CCDC77: variants seen among roughly 807,000 people sequenced by gnomAD.
The protein encoded by CCDC77 is coiled-coil domain containing 77.
In CCDC77, 56 loss-of-function variants were observed where a neutral mutation model predicts 66.8. That is an observed-to-expected ratio of 0.84 (90% CI 0.68 to 1.05). The LOEUF is 1.05. Among genes scored for constraint, CCDC77 ranks in the 50% least tolerant of loss-of-function variants. CCDC77 has a pLI of 0.00. For missense variants in CCDC77, 570 were observed against 576.8 expected (o/e 0.99, Z 0.12); for synonymous variants, 196 against 195.2 (o/e 1.00, Z -0.03).
At chr12:431,984 G>A in intron 8 of CCDC77, 30 bp downstream of exon 8, 4 of 1,408,168 alleles carry the variant, frequency 2.8e-6, no homozygotes, top group Non-Finnish European at 3.0e-6. Context: ...AGACCAAGAT[G>A]GCTTTTATCC....
At position 411,792 on chromosome 12, in the gene CCDC77, C is replaced by G; in HGVS notation, c.84C>G (p.Thr28=). ...SKRGVAVSGP[T]KRRGMADSLE... ...GTGGTGTTGCCGTCAGTGGTCCCAC[C>G]AAGAGGAGGGGAATGGCAGATTCAC... is the stretch of plus-strand genomic sequence containing the variant. The change falls in exon 4 of 13, where the codon ACC becomes ACG. Residue 28 remains threonine, a synonymous_variant. Transcript: ENST00000239830. 1 of 1,614,110 alleles carries G rather than the reference C, an allele frequency of 6.2e-7. No homozygotes were observed. Among genetic ancestry groups the G allele is most frequent in the South Asian group, 1.1e-5 (1 of 91,074 alleles).
At chr12:410,107 C>T (rs543701270) in intron 3 of CCDC77, among the ~76,000 whole-genome samples, 2 of 151,996 alleles carry the variant, frequency 1.3e-5, no homozygotes, top group Non-Finnish European at 2.9e-5. Flanking sequence ...ATTTTAATAT[C>T]TCTGCATGCT....
intron 2 of CCDC77, among the ~76,000 whole-genome samples, chr12:406,741 G>A (rs1317396661): frequency 6.6e-6 from 1 of 152,194 alleles, no homozygotes; most frequent in Non-Finnish European, 1.5e-5. Context: ...GAGGTCAGGA[G>A]TTCAAGACCA....
intron 11 of CCDC77, 28 bp downstream of exon 11, chr12:440,770 G>T: frequency 6.2e-7 from 1 of 1,613,644 alleles, no homozygotes; most frequent in Non-Finnish European, 8.5e-7. Context: ...ACTTGTAATG[G>T]AATAGGAAGT....
At position 411,952 on chromosome 12, in the gene CCDC77, C is replaced by A; in HGVS notation, c.244C>A (p.Leu82Ile). 1 of 1,613,832 alleles carries A rather than the reference C, an allele frequency of 6.2e-7. No individual in the cohort carries two copies. Among genetic ancestry groups the A allele is most frequent in the South Asian group, 1.1e-5 (1 of 91,076 alleles). ...TGAGGACTTGCTGAAGAAACTGGAA[C>A]TCTACAAAGAAGCTTGTGAAGGACA... ...ENEDLLKKLE[L>I]YKEACEGQHK... Residue 82 changes from leucine to isoleucine, a missense_variant, in exon 4 of 13, where the codon CTC becomes ATC. Leu to Ile is a conservative substitution (Grantham distance 5). Coordinates refer to ENST00000239830, the MANE Select transcript of CCDC77 (RefSeq NM_032358.4).
chr12:403,973 G>T (rs944491784), intron 1 of CCDC77, among the ~76,000 whole-genome samples: 3 of 152,192 alleles, frequency 2.0e-5, no homozygotes, highest in Non-Finnish European at 4.4e-5. Flanking sequence ...ACAGGGTCTT[G>T]CCATGGCCTG....
rs1218175771 is a variant in CCDC77 at position 428,158 on chromosome 12, G to A, written c.414-611G>A. On this transcript the variant is annotated intron_variant, in intron 5 of 12. Transcript: ENST00000239830. ...GGCAGTTGGCAGAATGAGCCCATCAGCCCCGAAGAGCAAGATCTGAGCAGT... is the reference window on the plus strand; with the variant it reads ...GGCAGTTGGCAGAATGAGCCCATCAACCCCGAAGAGCAAGATCTGAGCAGT... 2.6e-5 allele frequency among the ~76,000 whole-genome samples: 4 copies of A among 152,210 alleles called. No homozygotes were observed. In the East Asian group the frequency reaches 5.8e-4, roughly 22 times the overall value.
At chr12:438,308 T>G (rs752411263) in intron 9 of CCDC77, 27 bp from the exon 10 acceptor site, 1 of 1,503,842 alleles carries the variant, frequency 6.6e-7, no homozygotes, top group Admixed American at 1.7e-5. Flanking sequence ...CGCATCCTCA[T>G]GTCTGCATTT....
At chr12:418,685 T>G in intron 5 of CCDC77, 49 bp downstream of exon 5, 2 of 1,384,102 alleles carry the variant, frequency 1.4e-6, no homozygotes, top group Non-Finnish European at 1.0e-6. Flanking sequence ...TAAATTACAT[T>G]CATTCATTCA....
At chr12:427,320 A>G (rs1317960500) in intron 5 of CCDC77, among the ~76,000 whole-genome samples, 2 of 151,508 alleles carry the variant, frequency 1.3e-5, no homozygotes, top group East Asian at 1.9e-4. Context: ...TGCAGCCCTC[A>G]GCCTCTTTTC....
chr12:422,752 A>G (rs528096693), intron 5 of CCDC77, among the ~76,000 whole-genome samples: 1 of 152,306 alleles, frequency 6.6e-6, no homozygotes, highest in African/African-American at 2.4e-5. Context: ...CTGGGACTAC[A>G]GGTGTGTGCC....
At chr12:400,523 A>G (rs1944881379), upstream of CCDC77, among the ~76,000 whole-genome samples, 1 of 151,968 alleles carries the variant, frequency 6.6e-6, no homozygotes, top group South Asian at 2.1e-4. Context: ...TTGAACCCCC[A>G]CTGTAGGATT....
Position 411,791 on chromosome 12 carries a change from C to G in CCDC77, c.83C>G (p.Thr28Ser). Residue 28 changes from threonine (T) to serine (S), a missense_variant, in exon 4 of 13, where the codon ACC becomes AGC. Coordinates refer to ENST00000239830, the MANE Select transcript of CCDC77 (RefSeq NM_032358.4). ...SKRGVAVSGP[T>S]KRRGMADSLE... ...CGTGGTGTTGCCGTCAGTGGTCCCA[C>G]CAAGAGGAGGGGAATGGCAGATTCA... 6.2e-7 allele frequency: 1 copy of G among 1,614,106 alleles called. No homozygotes were observed. Among genetic ancestry groups the G allele is most frequent in the South Asian group, 1.1e-5 (1 of 91,070 alleles).
Position 433,162 on chromosome 12 carries a change from T to A in CCDC77, c.673-12T>A. 6.2e-7 allele frequency: 1 copy of A among 1,605,452 alleles called. No homozygotes were observed. On this transcript the variant is annotated splice_polypyrimidine_tract_variant and intron_variant, in intron 8 of 12. Coordinates refer to ENST00000239830, the MANE Select transcript of CCDC77 (RefSeq NM_032358.4). ...TAGGGCTGGATTCCTCACCCCTTTT[T>A]GGCCTGTCTAGGTGGAAGCACTGCA... is the stretch of plus-strand genomic sequence containing the variant.
At chr12:427,066 G>A (rs577437494) in intron 5 of CCDC77, among the ~76,000 whole-genome samples, 103 of 152,214 alleles carry the variant, frequency 6.8e-4, no homozygotes, top group African/African-American at 2.4e-3. Context: ...CCAACATGGT[G>A]AAACCCCATC....
rs182875212 is a variant in CCDC77, at chr12:407,876, C to T, written c.-16-1492C>T. On this transcript the variant is annotated intron_variant, in intron 2 of 12. Transcript: ENST00000239830. ...AATCTCGGCTCACTGCGACCTCCACCTCCCAGGTTCACGCCACTCTCCTGC... is the reference window on the plus strand; with the variant it reads ...AATCTCGGCTCACTGCGACCTCCACTTCCCAGGTTCACGCCACTCTCCTGC... 1.1e-4 allele frequency among the ~76,000 whole-genome samples: 17 copies of T among 149,962 alleles called. No homozygotes were observed. In the Admixed American group the frequency reaches 1.1e-3, roughly 10 times the overall value.
At chr12:441,501 T>C (rs983656936) in intron 12 of CCDC77, among the ~76,000 whole-genome samples, 2 of 152,226 alleles carry the variant, frequency 1.3e-5, no homozygotes, top group African/African-American at 4.8e-5. Context: ...TTACCAGTAG[T>C]GTCGCTTATC....
At chr12:436,737 A>G in intron 9 of CCDC77, 1 of 981,622 alleles carries the variant, frequency 1.0e-6, no homozygotes, top group Non-Finnish European at 1.2e-6. Flanking sequence ...GTTTAGCGTT[A>G]TCTGCATATC....
At chr12:425,437 T>C (rs1442918540) in intron 5 of CCDC77, among the ~76,000 whole-genome samples, 1 of 151,826 alleles carries the variant, frequency 6.6e-6, no homozygotes, top group African/African-American at 2.4e-5. Flanking sequence ...ACAGACACCA[T>C]AGGATCCGCC....
Sources: allele counts gnomAD v4.1 joint callset (sites outside exome capture counted in the v4.1 genomes callset), GRCh38; gene constraint gnomAD v4.1.1; transcripts MANE v1.5; gene names NCBI Gene and HGNC (gene_info 2026-07-23, HGNC 2026-07-21).